The following PNKD variants were observed in gnomAD, a reference collection of about 807,000 sequenced individuals.
PNKD encodes the protein PNKD metallo-beta-lactamase domain containing, also known as probable thioesterase PNKD.
PNKD carries 36 observed loss-of-function variants against 45.3 expected under a neutral mutation model. The ratio of observed to expected loss-of-function variants is 0.80; its 90% confidence interval spans 0.61 to 1.05. The LOEUF (loss-of-function observed/expected upper bound fraction) is 1.05, where lower values mean the gene tolerates loss of function less well. Among genes scored for constraint, PNKD ranks in the 50% least tolerant of loss-of-function variants. The probability of loss-of-function intolerance (pLI) is 0.00; values close to 1 mark genes in which losing one functional copy is unlikely to be tolerated. For synonymous variants in PNKD, 197 were observed against 210.1 expected (o/e 0.94, Z 0.54); for missense variants, 511 against 506.6 (o/e 1.01, Z -0.08).
chr2:218,302,029 A>T (rs1184581418), intron 2 of PNKD, among the ~76,000 whole-genome samples: 6 of 152,222 alleles, frequency 3.9e-5, no homozygotes, highest in African/African-American at 1.4e-4. Flanking sequence ...CATGCACTTA[A>T]GGAAAGCTGA....
intron 2 of PNKD, among the ~76,000 whole-genome samples, chr2:218,324,299 T>G (rs1222228317): frequency 6.6e-6 from 1 of 152,036 alleles, no homozygotes; most frequent in African/African-American, 2.4e-5. Flanking sequence ...ATGTTGGGGA[T>G]GGGAATTGTG....
At chr2:218,314,083 G>A (rs531600936) in intron 2 of PNKD, among the ~76,000 whole-genome samples, 5 of 151,352 alleles carry the variant, frequency 3.3e-5, no homozygotes, top group African/African-American at 9.7e-5. Context: ...CACCACACCC[G>A]GCTAATTTTT....
rs1309556385 is a variant in PNKD, at chr2:218,326,036, C to CTA, written c.237-13746_237-13745dup. Among the ~76,000 whole-genome samples, 1 of 146,560 alleles carries CTA rather than the reference C, an allele frequency of 6.8e-6. No homozygotes were observed. The highest frequency in any genetic ancestry group is 1.5e-5 in the Non-Finnish European group (1 of 67,020). Reference sequence around the variant, plus strand: ...GGGGGGAAATGGGCAGGTGTTGGTGCTAGGGGTGCCTCCAGGAAGGATGGG... The same window carrying CTA: ...GGGGGGAAATGGGCAGGTGTTGGTGCTATAGGGGTGCCTCCAGGAAGGATGGG... On this transcript the variant is annotated intron_variant, in intron 2 of 9. Coordinates refer to ENST00000273077, the MANE Select transcript of PNKD (RefSeq NM_015488.5). This position sits in a 1 kb window ranked among gnomAD's most constrained non-coding sequence, Gnocchi z 4.1.
intron 2 of PNKD, among the ~76,000 whole-genome samples, chr2:218,321,843 G>A (rs1390984504): frequency 1.3e-5 from 2 of 151,286 alleles, no homozygotes; most frequent in East Asian, 1.9e-4. Context: ...AGCCAGGATG[G>A]TCTCGATCTC....
chr2:218,312,054 A>G (rs1046074521), intron 2 of PNKD, among the ~76,000 whole-genome samples: 1 of 152,204 alleles, frequency 6.6e-6, no homozygotes, highest in Non-Finnish European at 1.5e-5. Context: ...AGTCCATTAA[A>G]CTTTGATTCA....
chr2:218,333,167 G>A (rs1694380324), intron 2 of PNKD, among the ~76,000 whole-genome samples: 1 of 152,140 alleles, frequency 6.6e-6, no homozygotes, highest in African/African-American at 2.4e-5. Flanking sequence ...AATGTCTGTT[G>A]GCCCTCCCTT....
At chr2:218,328,776 G>T (rs1694228594) in intron 2 of PNKD, among the ~76,000 whole-genome samples, 1 of 152,182 alleles carries the variant, frequency 6.6e-6, no homozygotes, top group Admixed American at 6.5e-5. Context: ...AGCCTGCCCG[G>T]CCTCCTCAGT....
chr2:218,342,163 G>A lies in PNKD; in HGVS notation c.781+19G>A, dbSNP rs768075145. 2.0e-5 allele frequency: 32 copies of A among 1,608,800 alleles called. No homozygotes were observed. The South Asian group carries it at 3.5e-4, about 18-fold the overall frequency. On this transcript the variant is annotated intron_variant, in intron 7 of 9. Transcript: ENST00000273077. ...GGCTGTGGTGAGTTTCCCCGAAAGA[G>A]AGAGGAGCTGGGAGAGGAGGGAGAG...
At chr2:218,309,942 AAAAAG>A (rs1469666232) in intron 2 of PNKD, among the ~76,000 whole-genome samples, 5 of 151,900 alleles carry the variant, frequency 3.3e-5, no homozygotes, top group Admixed American at 6.6e-5. Context: ...TAAAAAAAAA[AAAAAG>A]AAAAGAAAAC....
Position 218,282,192 on chromosome 2 carries a change from A to G in PNKD, c.236+10643A>G, listed in dbSNP as rs370699612. The G allele has an allele frequency of 2.4e-4, 334 of 1,379,132 alleles. 2 individuals are homozygous for G. Among genetic ancestry groups the G allele is most frequent in the Admixed American group, 5.5e-4 (17 of 30,836 alleles). The allele number at this position is 1,379,132 out of a possible 1,614,324, so 85.4% of individuals were successfully genotyped here. A position where few individuals can be genotyped will look rare whatever the true frequency, so the allele number is the denominator to read the frequency against. ...CCCAGCTGCTGGGACCTGAAATGGG[A>G]GAGGAGAAAAGCAATCGTGAATGCC... On this transcript the variant is annotated intron_variant, in intron 2 of 9. Coordinates refer to ENST00000273077, the MANE Select transcript of PNKD (RefSeq NM_015488.5).
chr2:218,344,982 TGCCCCCAGC>T lies in PNKD; in HGVS notation c.*11_*19del, dbSNP rs1280807170. The T allele has an allele frequency of 6.2e-7, 1 of 1,611,152 alleles. No individual in the cohort carries two copies. The highest frequency in any genetic ancestry group is 8.5e-7 in the Non-Finnish European group (1 of 1,178,460). ...GAAGGATATGCACAAGAGCAAGTGA[TGCCCCCAGC>T]GCCCCCAGCCCAGCCCACTCCCCGC... On this transcript the variant is annotated 3_prime_UTR_variant, in exon 10 of 10. Coordinates refer to ENST00000273077, the MANE Select transcript of PNKD (RefSeq NM_015488.5).
rs1236910438 is a variant in PNKD, at chr2:218,346,463, T to C, written c.*1482T>C. On this transcript the variant is annotated 3_prime_UTR_variant, in exon 10 of 10. Transcript: ENST00000273077. Reference sequence around the variant, plus strand: ...TGCCTCTGTGCCTTCGCTCATGCTGTTTCTTCCGACTGGAATGCCTTCCCC... The same window carrying C: ...TGCCTCTGTGCCTTCGCTCATGCTGCTTCTTCCGACTGGAATGCCTTCCCC... 6.5e-6 allele frequency: 1 copy of C among 154,046 alleles called. No homozygotes were observed. Among genetic ancestry groups the C allele is most frequent in the East Asian group, 1.9e-4 (1 of 5,208 alleles). 9.5% of individuals were successfully genotyped at this position (154,046 alleles called of 1,614,324 possible). A position where few individuals can be genotyped will look rare whatever the true frequency, so the allele number is the denominator to read the frequency against.
intron 2 of PNKD, among the ~76,000 whole-genome samples, chr2:218,294,709 C>T (rs577056918): frequency 1.3e-5 from 2 of 152,300 alleles, no homozygotes; most frequent in East Asian, 3.9e-4. Flanking sequence ...AACTCCTGGG[C>T]TCAAGCAATT....
chr2:218,285,317 G>C (rs1254591804), intron 2 of PNKD, among the ~76,000 whole-genome samples: 1 of 152,154 alleles, frequency 6.6e-6, no homozygotes, highest in Non-Finnish European at 1.5e-5. Context: ...TGAGCCCCAA[G>C]ACTGACTCCC....
chr2:218,276,124 ACCACAGGC>A (rs751664002), intron 2 of PNKD: 13 of 1,598,922 alleles, frequency 8.1e-6, no homozygotes, highest in Non-Finnish European at 1.0e-5. Context: ...ACCTCAGCAA[ACCACAGGC>A]CCACAGGCCC....
chr2:218,337,175 C>A (rs919954419), intron 2 of PNKD, among the ~76,000 whole-genome samples: 1 of 148,214 alleles, frequency 6.7e-6, no homozygotes, highest in African/African-American at 2.5e-5. Flanking sequence ...GGTGAGATCT[C>A]GGCTTACTAC....
intron 2 of PNKD, chr2:218,274,143 GGAA>G (rs1262555774): frequency 6.5e-6 from 1 of 154,982 alleles, no homozygotes; most frequent in Non-Finnish European, 1.5e-5. Flanking sequence ...GAATGCAGAA[GGAA>G]GAAGTGGATA....
At chr2:218,271,072 C>T (rs1000339013) in intron 1 of PNKD, 1 of 507,044 alleles carries the variant, frequency 2.0e-6, no homozygotes, top group Non-Finnish European at 3.6e-6. Context: ...CCCGGATTTC[C>T]TTCATACGTC....
intron 2 of PNKD, among the ~76,000 whole-genome samples, chr2:218,323,811 C>G (rs1312687882): frequency 2.6e-5 from 4 of 152,138 alleles, no homozygotes; most frequent in Admixed American, 6.5e-5. Flanking sequence ...CAGCAGATGC[C>G]CGGGCTCCGA....
Sources: allele counts gnomAD v4.1 joint callset (sites outside exome capture counted in the v4.1 genomes callset), GRCh38; gene constraint gnomAD v4.1.1; non-coding constraint Gnocchi (gnomAD v3.1); transcripts MANE v1.5; gene names NCBI Gene and HGNC (gene_info 2026-07-23, HGNC 2026-07-21).